JAK2: variants seen among roughly 807,000 people sequenced by gnomAD.
JAK2 encodes the protein tyrosine-protein kinase JAK2.
A neutral mutation model predicts 139.3 loss-of-function variants in JAK2; 86 were observed. That is an observed-to-expected ratio of 0.62 (90% CI 0.52 to 0.74). The LOEUF is 0.74. Ranked by LOEUF, JAK2 falls within the 30% of genes least tolerant of loss-of-function variation. The probability of loss-of-function intolerance (pLI) is 0.00; values close to 1 mark genes in which losing one functional copy is unlikely to be tolerated. For synonymous variants in JAK2, 490 were observed against 437.7 expected (o/e 1.12, Z -1.49); for missense variants, 1,421 against 1,360.3 (o/e 1.04, Z -0.70).
At chr9:5,041,195 G>A in intron 4 of JAK2, 2 of 1,432,370 alleles carry the variant, frequency 1.4e-6, no homozygotes, top group Non-Finnish European at 1.9e-6. Flanking sequence ...TTACCAGGAC[G>A]TGAAGCCCGA....
chr9:5,083,877 AACT>A (rs1363095386), intron 19 of JAK2, among the ~76,000 whole-genome samples: 19 of 152,200 alleles, frequency 1.2e-4, no homozygotes, highest in Non-Finnish European at 2.8e-4. Context: ...GTCTCTGCAC[AACT>A]ACACAATTTC....
intron 8 of JAK2, among the ~76,000 whole-genome samples, chr9:5,056,427 A>G (rs1586714368): frequency 6.6e-6 from 1 of 152,046 alleles, no homozygotes; most frequent in African/African-American, 2.4e-5. Flanking sequence ...AACTAGTCCT[A>G]TTAATGTTAT....
chr9:5,034,079 G>A (rs1215451440), intron 4 of JAK2, among the ~76,000 whole-genome samples: 1 of 152,088 alleles, frequency 6.6e-6, no homozygotes, highest in African/African-American at 2.4e-5. Context: ...AAAAAAGGCA[G>A]GGATTGCAAT....
At chr9:5,081,194 C>T (rs1054335352) in intron 18 of JAK2, among the ~76,000 whole-genome samples, 1 of 151,532 alleles carries the variant, frequency 6.6e-6, no homozygotes, top group East Asian at 1.9e-4. Context: ...CGCTCCCAGC[C>T]AAAAAGACCT....
chr9:5,121,165 C>G (rs2130846655), intron 22 of JAK2, among the ~76,000 whole-genome samples: 1 of 152,198 alleles, frequency 6.6e-6, no homozygotes, highest in East Asian at 1.9e-4. Flanking sequence ...ACCCAGAAAA[C>G]CTTTCCACAA....
intron 22 of JAK2, chr9:5,100,130 C>T (rs912385172): frequency 6.6e-6 from 1 of 152,214 alleles, no homozygotes; most frequent in African/African-American, 2.4e-5. Flanking sequence ...GCTTCAGTTG[C>T]TTTTATTATT....
Position 4,997,304 on chromosome 9 carries a change from T to C in JAK2, c.-26+11282T>C, listed in dbSNP as rs76377937. On this transcript the variant is annotated intron_variant, in intron 2 of 24. Transcript: ENST00000381652. ...TAATTTATAAAGAAAAGAGATTTAA[T>C]TGGCTCATGGTTCTGCAGGCTTACA... Among the ~76,000 whole-genome samples, 206 of 152,282 alleles carry C rather than the reference T, an allele frequency of 1.4e-3. 5 individuals carry two copies. The South Asian group carries it at 0.025, about 19-fold the overall frequency.
intron 19 of JAK2, among the ~76,000 whole-genome samples, chr9:5,088,949 G>A (rs1312918964): frequency 6.6e-6 from 1 of 152,186 alleles, no homozygotes. Context: ...AGGGGTCACT[G>A]ACATTTAGCC....
At chr9:4,988,941 C>CA (rs1820106220) in intron 2 of JAK2, among the ~76,000 whole-genome samples, 1 of 152,128 alleles carries the variant, frequency 6.6e-6, no homozygotes, top group Non-Finnish European at 1.5e-5. Context: ...TCTCTGCTTT[C>CA]CCTCCTTTAC....
intron 19 of JAK2, chr9:5,085,308 G>T: frequency 1.4e-6 from 1 of 740,300 alleles, no homozygotes; most frequent in Non-Finnish European, 2.5e-6. Context: ...AGGTGAAGTC[G>T]AATACATCAT....
intron 8 of JAK2, among the ~76,000 whole-genome samples, chr9:5,057,203 C>T (rs946940971): frequency 2.0e-5 from 3 of 151,050 alleles, no homozygotes; most frequent in Admixed American, 1.3e-4. Context: ...ATATGTTATG[C>T]TTTTTCTGTT....
chr9:5,034,814 AC>A (rs1454368210), intron 4 of JAK2, among the ~76,000 whole-genome samples: 2 of 152,234 alleles, frequency 1.3e-5, no homozygotes, highest in Non-Finnish European at 2.9e-5. Flanking sequence ...CCCTAACATC[AC>A]AATTAAAAGA....
intron 4 of JAK2, among the ~76,000 whole-genome samples, chr9:5,030,254 T>C (rs999109217): frequency 6.6e-6 from 1 of 152,172 alleles, no homozygotes; most frequent in African/African-American, 2.4e-5. Context: ...TAGAATGCAA[T>C]TTCACATCTT....
At chr9:5,074,823 T>C (rs1053146428) in intron 14 of JAK2, among the ~76,000 whole-genome samples, 13 of 151,976 alleles carry the variant, frequency 8.6e-5, no homozygotes, top group African/African-American at 1.7e-4. Context: ...GCAAAGACCA[T>C]TGATGAAGAT....
intron 5 of JAK2, among the ~76,000 whole-genome samples, chr9:5,044,821 T>C (rs1020730782): frequency 6.6e-6 from 1 of 152,224 alleles, no homozygotes; most frequent in East Asian, 1.9e-4. Context: ...ACAACATGAT[T>C]CATGTAGACA....
rs1816430663 is a variant in JAK2, at chr9:5,040,788, G to A, written c.351-3615G>A. On this transcript the variant is annotated intron_variant, in intron 4 of 24. Coordinates refer to ENST00000381652, the MANE Select transcript of JAK2 (RefSeq NM_004972.4). ...CGCCTTCCGCCCTTAACATGCGGTG[G>A]CTGGCCCAGGCGGTGCAGGAGCTGG... Among the ~76,000 whole-genome samples, 3 of 152,226 alleles carry A rather than the reference G, an allele frequency of 2.0e-5. No homozygotes were observed. The South Asian group carries it at 6.2e-4, about 31-fold the overall frequency.
At chr9:5,047,696 T>C (rs764048219) in intron 5 of JAK2, among the ~76,000 whole-genome samples, 1 of 152,202 alleles carries the variant, frequency 6.6e-6, no homozygotes, top group Non-Finnish European at 1.5e-5. Context: ...CTCCAGTGAT[T>C]GTCTTGCTTC....
At chr9:5,013,252 A>C (rs1426875651) in intron 2 of JAK2, among the ~76,000 whole-genome samples, 1 of 152,216 alleles carries the variant, frequency 6.6e-6, no homozygotes, top group African/African-American at 2.4e-5. Context: ...TTTAGAGTAC[A>C]ATACAAAATT....
intron 10 of JAK2, among the ~76,000 whole-genome samples, chr9:5,067,097 T>A (rs937112857): frequency 1.3e-5 from 2 of 152,168 alleles, no homozygotes; most frequent in African/African-American, 4.8e-5. Flanking sequence ...TTTCTTTGTT[T>A]GCAAAACTGG....
Sources: allele counts gnomAD v4.1 joint callset (sites outside exome capture counted in the v4.1 genomes callset), GRCh38; gene constraint gnomAD v4.1.1; transcripts MANE v1.5; gene names NCBI Gene and HGNC (gene_info 2026-07-23, HGNC 2026-07-21).